The following BANK1 variants were observed in gnomAD, a reference collection of about 807,000 sequenced individuals.
The protein encoded by BANK1 is B-cell scaffold protein with ankyrin repeats.
In BANK1, 95 loss-of-function variants were observed where a neutral mutation model predicts 94.5. The observed-to-expected ratio is 1.00, with a 90% CI of 0.85 to 1.19. The LOEUF (loss-of-function observed/expected upper bound fraction) is 1.19, where lower values mean the gene tolerates loss of function less well. Among genes scored for constraint, BANK1 ranks in the 50% most tolerant of loss-of-function variants. The pLI is 0.00. For missense variants in BANK1, 987 were observed against 932.2 expected, an observed-to-expected ratio of 1.06 and a Z score of -0.77; for synonymous variants, 334 against 308.4, an observed-to-expected ratio of 1.08 and a Z score of -0.87.
chr4:101,962,915 G>T (rs913393875), intron 7 of BANK1, among the ~76,000 whole-genome samples: 7 of 152,012 alleles, frequency 4.6e-5, no homozygotes, highest in Non-Finnish European at 7.4e-5. Flanking sequence ...TGAAATTGCT[G>T]CATCTAAAGC....
rs554700131 is a variant in BANK1 at position 101,805,522 on chromosome 4, G to T, written c.70+14572G>T. ...TATCTGAAAAAGGACAAATAAAGCT[G>T]TAGCCGTTTCTGAATGCCACATGAA... On this transcript the variant is annotated intron_variant, in intron 1 of 16. Coordinates refer to ENST00000322953, the MANE Select transcript of BANK1 (RefSeq NM_017935.5). Among the ~76,000 whole-genome samples the T allele has an allele frequency of 3.0e-4, 45 of 151,686 alleles. No homozygotes were observed. In the East Asian group the frequency reaches 6.2e-3, roughly 21 times the overall value.
At position 101,829,856 on chromosome 4, in the gene BANK1, G is replaced by A; in HGVS notation, c.119G>A (p.Trp40Ter). Residue 40 changes from tryptophan (W) to a stop codon, truncating the protein, a stop_gained, in exon 2 of 17, where the codon TGG becomes TAG. Coordinates refer to ENST00000322953, the MANE Select transcript of BANK1 (RefSeq NM_017935.5). LOFTEE classifies it high-confidence loss of function. ...ATATATGAAGAAGATGCTGAGGAATGGGCTCTGTACTTGACAGAAGTATTT... is the reference window on the plus strand; with the variant it reads ...ATATATGAAGAAGATGCTGAGGAATAGGCTCTGTACTTGACAGAAGTATTT... ...IMIYEEDAEE[W>*]ALYLTEVFLH... The A allele has an allele frequency of 6.3e-7, 1 of 1,594,360 alleles. No individual in the cohort carries two copies. Among genetic ancestry groups the A allele is most frequent in the Non-Finnish European group, 8.5e-7 (1 of 1,171,244 alleles).
intron 11 of BANK1, among the ~76,000 whole-genome samples, chr4:102,058,579 A>G (rs1408754119): frequency 6.6e-6 from 1 of 152,050 alleles, no homozygotes; most frequent in East Asian, 1.9e-4. Flanking sequence ...TACAGGTTGC[A>G]TGTTTTGGTT....
At chr4:101,942,288 G>C (rs1723777126) in intron 7 of BANK1, among the ~76,000 whole-genome samples, 1 of 151,840 alleles carries the variant, frequency 6.6e-6, no homozygotes, top group Non-Finnish European at 1.5e-5. Context: ...TAATGCATAT[G>C]AAAGTTCTAT....
At chr4:102,055,920 TAAG>T (rs1728212594) in intron 11 of BANK1, among the ~76,000 whole-genome samples, 1 of 151,822 alleles carries the variant, frequency 6.6e-6, no homozygotes, top group Non-Finnish European at 1.5e-5. Context: ...AGAAGATAAT[TAAG>T]AAGAATTGAA....
At chr4:101,878,473 C>A (rs1728568773) in intron 5 of BANK1, among the ~76,000 whole-genome samples, 1 of 152,118 alleles carries the variant, frequency 6.6e-6, no homozygotes, top group Admixed American at 6.5e-5. Context: ...ATTACTAGAC[C>A]TAAGGAGAGA....
intron 7 of BANK1, among the ~76,000 whole-genome samples, chr4:102,007,076 ATAT>A (rs1726292947): frequency 1.0e-5 from 1 of 99,428 alleles, no homozygotes; most frequent in South Asian, 2.6e-4. Flanking sequence ...TTTTATATAT[ATAT>A]AAATATATAT....
intron 7 of BANK1, among the ~76,000 whole-genome samples, chr4:102,005,205 T>C (rs1317412614): frequency 6.6e-6 from 1 of 152,100 alleles, no homozygotes; most frequent in African/African-American, 2.4e-5. Flanking sequence ...TCTATTGAAG[T>C]CTTAAAAAGA....
At chr4:101,918,275 A>T (rs1347076788) in intron 7 of BANK1, 86 bp downstream of exon 7, 13 of 932,388 alleles carry the variant, frequency 1.4e-5, no homozygotes, top group Non-Finnish European at 1.9e-5. Flanking sequence ...TATTACCTTT[A>T]CCGTTTTCTT....
intron 4 of BANK1, among the ~76,000 whole-genome samples, chr4:101,864,178 T>C (rs901890149): frequency 6.6e-6 from 1 of 152,194 alleles, no homozygotes; most frequent in East Asian, 1.9e-4. Context: ...TCGTTTCAAC[T>C]GTTGTATTCT....
chr4:102,019,376 C>G (rs1333842916), intron 7 of BANK1, among the ~76,000 whole-genome samples: 1 of 152,136 alleles, frequency 6.6e-6, no homozygotes, highest in Non-Finnish European at 1.5e-5. Flanking sequence ...ATCAAATATG[C>G]AGATTACATT....
chr4:101,857,144 C>T lies in BANK1; in HGVS notation c.624+1955C>T, dbSNP rs185250248. ...TTTCTGAGAAGTTTTCCAAGTAGTC[C>T]GTGAATAGAGACCACTTAAGATTAC... On this transcript the variant is annotated intron_variant, in intron 3 of 16. Transcript: ENST00000322953. Among the ~76,000 whole-genome samples, 116 of 152,166 alleles carry T rather than the reference C, an allele frequency of 7.6e-4. 1 individual carries two copies. The highest frequency in any genetic ancestry group is 1.7e-3 in the South Asian group (8 of 4,808).
Position 102,074,021 on chromosome 4 carries a change from T to A in BANK1, c.*22T>A, listed in dbSNP as rs957458. ...CATTTCCAGGTTATTATAATGAAACTCACGAATCTACGGACATTTTGCTTT... is the reference window on the plus strand; with the variant it reads ...CATTTCCAGGTTATTATAATGAAACACACGAATCTACGGACATTTTGCTTT... On this transcript the variant is annotated 3_prime_UTR_variant, in exon 17 of 17. Coordinates refer to ENST00000322953, the MANE Select transcript of BANK1 (RefSeq NM_017935.5). 495 of 235,684 alleles carry A rather than the reference T, an allele frequency of 2.1e-3. 11 individuals are homozygous for A. In the Admixed American group the frequency reaches 0.025, roughly 12 times the overall value. The allele number at this position is 235,684 out of a possible 1,614,324, so 14.6% of individuals were successfully genotyped here.
At chr4:101,877,578 G>A (rs11097761) in intron 5 of BANK1, among the ~76,000 whole-genome samples, 68,768 of 141,512 alleles carry the variant, frequency 0.49, 16,764 homozygotes, top group African/African-American at 0.68. Context: ...ATTTTTGCTC[G>A]TATGTTTGTT....
chr4:101,815,981 T>C (rs1725899918), intron 1 of BANK1, among the ~76,000 whole-genome samples: 2 of 152,232 alleles, frequency 1.3e-5, no homozygotes, highest in African/African-American at 4.8e-5. Flanking sequence ...CTAACTTTTA[T>C]GTAATTATAT....
At chr4:101,991,300 A>T (rs1442768457) in intron 7 of BANK1, among the ~76,000 whole-genome samples, 1 of 152,264 alleles carries the variant, frequency 6.6e-6, no homozygotes, top group African/African-American at 2.4e-5. Flanking sequence ...AGAGTTGATT[A>T]TAGTAGCTTT....
chr4:101,948,568 T>C (rs1203942794), intron 7 of BANK1, among the ~76,000 whole-genome samples: 1 of 152,136 alleles, frequency 6.6e-6, no homozygotes, highest in Non-Finnish European at 1.5e-5. Context: ...TGACTCTGTT[T>C]TTTATATTTT....
chr4:101,846,881 G>A (rs189002774), intron 2 of BANK1, among the ~76,000 whole-genome samples: 1 of 152,258 alleles, frequency 6.6e-6, no homozygotes, highest in Admixed American at 6.5e-5. Context: ...GACTAGCTAG[G>A]TATTCTCCTG....
chr4:102,051,170 A>G (rs1226203452), intron 11 of BANK1, among the ~76,000 whole-genome samples: 1 of 152,206 alleles, frequency 6.6e-6, no homozygotes, highest in African/African-American at 2.4e-5. Flanking sequence ...CATGGGGAAA[A>G]GAGAATGCTG....
Sources: allele counts gnomAD v4.1 joint callset (sites outside exome capture counted in the v4.1 genomes callset), GRCh38; gene constraint gnomAD v4.1.1; transcripts MANE v1.5; gene names NCBI Gene and HGNC (gene_info 2026-07-23, HGNC 2026-07-21).